The following TAB2 variants were observed in gnomAD, a reference collection of about 807,000 sequenced individuals.
TAB2 encodes TGF-beta-activated kinase 1 and MAP3K7-binding protein 2.
A neutral mutation model predicts 65.0 loss-of-function variants in TAB2; 3 were observed. The observed-to-expected ratio is 0.05, with a 90% CI of 0.02 to 0.12. TAB2 has a LOEUF of 0.12. TAB2 is among the 10% of genes least tolerant of loss of function. TAB2 has a pLI of 1.00. For missense variants in TAB2, 623 were observed against 840.3 expected, an observed-to-expected ratio of 0.74 and a Z score of 3.20; for synonymous variants, 298 against 285.1, an observed-to-expected ratio of 1.05 and a Z score of -0.46.
chr6:149,349,662 T>C (rs1780426757), intron 1 of TAB2, among the ~76,000 whole-genome samples: 1 of 152,194 alleles, frequency 6.6e-6, no homozygotes, highest in Non-Finnish European at 1.5e-5. Context: ...CAAATTGTTC[T>C]CTCATATCAA....
At chr6:149,315,258 G>A (rs959121523), upstream of TAB2, among the ~76,000 whole-genome samples, 1 of 152,144 alleles carries the variant, frequency 6.6e-6, no homozygotes, top group African/African-American at 2.4e-5. Flanking sequence ...AAAATTGCAA[G>A]AACGGTACAA....
chr6:149,345,259 A>C (rs1780256667), intron 1 of TAB2, among the ~76,000 whole-genome samples: 1 of 152,172 alleles, frequency 6.6e-6, no homozygotes, highest in African/African-American at 2.4e-5. Flanking sequence ...ATGGTTAATC[A>C]TGGATGGACC....
rs971413728 is a variant in TAB2 at position 149,285,262 on chromosome 6, T to C, written c.-121+66486T>C. Among the ~76,000 whole-genome samples the C allele has an allele frequency of 5.9e-5, 9 of 152,218 alleles. No homozygotes were observed. In the East Asian group the frequency reaches 9.6e-4, roughly 16 times the overall value. On this transcript the variant is annotated intron_variant, in intron 1 of 1. Coordinates refer to the TAB2 transcript ENST00000606202. ...ATATTAGTTATTGCCAACAGTACCC[T>C]AATGGGCAGACCAAAAGCAGGGGAC...
intron 1 of TAB2, among the ~76,000 whole-genome samples, chr6:149,295,818 G>A (rs1402495896): frequency 6.6e-6 from 1 of 151,992 alleles, no homozygotes; most frequent in Non-Finnish European, 1.5e-5. Flanking sequence ...TGTTGCTTAG[G>A]CTGGGGTGCA....
rs73613039 is a variant in TAB2 at position 149,341,354 on chromosome 6, C to T, written c.-90+23339C>T. Among the ~76,000 whole-genome samples the T allele has an allele frequency of 5.1e-3, 773 of 152,074 alleles. 6 individuals carry two copies. The highest frequency in any genetic ancestry group is 0.018 in the African/African-American group (746 of 41,468). ...GTGATTATAGTTGAATTATTTAAACCGAAAGCCTGCTACCTAGTTGTTGCT... is the reference window on the plus strand; with the variant it reads ...GTGATTATAGTTGAATTATTTAAACTGAAAGCCTGCTACCTAGTTGTTGCT... On this transcript the variant is annotated intron_variant, in intron 1 of 6. Coordinates refer to ENST00000637181, the MANE Select transcript of TAB2 (RefSeq NM_001292034.3).
At chr6:149,373,522 G>T (rs894887843) in intron 2 of TAB2, among the ~76,000 whole-genome samples, 6 of 152,122 alleles carry the variant, frequency 3.9e-5, no homozygotes, top group Non-Finnish European at 1.5e-5. Context: ...TGCGATCAGC[G>T]ATCATATTCC....
At chr6:149,393,703 T>C (rs2114931824) in intron 3 of TAB2, among the ~76,000 whole-genome samples, 1 of 152,350 alleles carries the variant, frequency 6.6e-6, no homozygotes, top group East Asian at 1.9e-4. Context: ...TATCCTGGAA[T>C]GTATACTTTA....
chr6:149,391,880 T>G (rs903051593), intron 3 of TAB2, among the ~76,000 whole-genome samples: 1 of 152,104 alleles, frequency 6.6e-6, no homozygotes, highest in African/African-American at 2.4e-5. Context: ...GAGATTTCCT[T>G]AAATTTTTTT....
At chr6:149,308,535 T>G (rs1381409132) in intron 1 of TAB2, among the ~76,000 whole-genome samples, 1 of 151,760 alleles carries the variant, frequency 6.6e-6, no homozygotes, top group East Asian at 1.9e-4. Context: ...TTTATTTATT[T>G]ATTTATTTTT....
chr6:149,301,445 T>G (rs917692938), intron 1 of TAB2, among the ~76,000 whole-genome samples: 10 of 152,190 alleles, frequency 6.6e-5, no homozygotes, highest in African/African-American at 2.2e-4. Flanking sequence ...GATTACATTT[T>G]CAACTATAAA....
intron 1 of TAB2, among the ~76,000 whole-genome samples, chr6:149,278,126 A>G (rs957441719): frequency 6.6e-6 from 1 of 152,230 alleles, no homozygotes; most frequent in Non-Finnish European, 1.5e-5. Context: ...TTACCAATGT[A>G]TAAAATCTCA....
In TAB2 at chr6:149,253,958, AAAAGAAAGAAAGAAAGAAAGAAAGAAAG is replaced by A. The variant is rs545364740; in HGVS notation, c.-121+35222_-121+35249del. Among the ~76,000 whole-genome samples the A allele has an allele frequency of 1.2e-3, 91 of 76,366 alleles. 1 individual carries two copies. Among genetic ancestry groups the A allele is most frequent in the African/African-American group, 4.3e-3 (84 of 19,740 alleles). The allele number at this position is 76,366 out of a possible 152,430, so 50.1% of individuals were successfully genotyped here. A position where few individuals can be genotyped will look rare whatever the true frequency, so the allele number is the denominator to read the frequency against. On this transcript the variant is annotated intron_variant, in intron 1 of 1. Coordinates refer to the TAB2 transcript ENST00000606202. The stretch of plus-strand genomic sequence containing the variant: ...AGAAAGAAAGAGAAAGAAAGAAAGA[AAAAGAAAGAAAGAAAGAAAGAAAGAAAG>A]AAAGAAAGAAAGAAAGAAAGAAAGA...
intron 1 of TAB2, among the ~76,000 whole-genome samples, chr6:149,281,815 T>C (rs1778581389): frequency 1.3e-5 from 2 of 151,814 alleles, no homozygotes; most frequent in Non-Finnish European, 2.9e-5. Context: ...TCAAATTGAA[T>C]AAAACAGCAC....
At chr6:149,367,139 G>A (rs1479345248) in intron 1 of TAB2, among the ~76,000 whole-genome samples, 1 of 152,020 alleles carries the variant, frequency 6.6e-6, no homozygotes, top group Non-Finnish European at 1.5e-5. Context: ...GATCCCATGG[G>A]GCTAATGTTT....
chr6:149,248,424 A>AAGGAAGGAAGGAAGGAAGG (rs1554253863), intron 1 of TAB2, among the ~76,000 whole-genome samples: 1 of 31,056 alleles, frequency 3.2e-5, no homozygotes, highest in African/African-American at 2.0e-4. Flanking sequence ...AAAGAAAAAG[A>AAGGAAGGAAGGAAGGAAGG]AAGAAAGGAA....
intron 1 of TAB2, among the ~76,000 whole-genome samples, chr6:149,253,572 A>G (rs977569629): frequency 1.4e-5 from 2 of 140,276 alleles, no homozygotes; most frequent in Non-Finnish European, 3.0e-5. Context: ...GTGAGCCAAG[A>G]TCGCACCACT....
chr6:149,287,975 A>G (rs1181495022), intron 1 of TAB2, among the ~76,000 whole-genome samples: 1 of 152,244 alleles, frequency 6.6e-6, no homozygotes, highest in East Asian at 1.9e-4. Flanking sequence ...AAATTCGATC[A>G]TAAAATTATG....
chr6:149,286,696 G>T (rs1583065434), intron 1 of TAB2, among the ~76,000 whole-genome samples: 1 of 152,140 alleles, frequency 6.6e-6, no homozygotes, highest in East Asian at 1.9e-4. Context: ...CACAATAGGG[G>T]ATTCACTGAG....
chr6:149,340,607 A>T (rs1266223807), intron 1 of TAB2, among the ~76,000 whole-genome samples: 1 of 152,176 alleles, frequency 6.6e-6, no homozygotes, highest in Admixed American at 6.5e-5. Flanking sequence ...TAGTTAAAAA[A>T]TTTAAAAAAG....
Sources: allele counts gnomAD v4.1 joint callset (sites outside exome capture counted in the v4.1 genomes callset), GRCh38; gene constraint gnomAD v4.1.1; transcripts MANE v1.5; gene names NCBI Gene and HGNC (gene_info 2026-07-23, HGNC 2026-07-21).